SANBR: variants seen among roughly 807,000 people sequenced by gnomAD.
SANBR encodes the protein SANT and BTB domain regulator of class switch recombination.
In SANBR, 77 loss-of-function variants were observed where a neutral mutation model predicts 101.8. The ratio of observed to expected loss-of-function variants is 0.76; its 90% confidence interval spans 0.63 to 0.91. SANBR has a LOEUF of 0.91. Among genes scored for constraint, SANBR ranks in the 40% least tolerant of loss-of-function variants. The pLI is 0.00. For synonymous variants in SANBR, 279 were observed against 274.7 expected, an observed-to-expected ratio of 1.02 and a Z score of -0.15; for missense variants, 875 against 853.0, an observed-to-expected ratio of 1.03 and a Z score of -0.32.
In SANBR at chr2:61,092,593, A is replaced by G; in HGVS notation, c.1212+6A>G. 3 of 1,375,474 alleles carry G rather than the reference A, an allele frequency of 2.2e-6. No homozygotes were observed. Among genetic ancestry groups the G allele is most frequent in the Non-Finnish European group, 2.9e-6 (3 of 1,018,496 alleles). 85.2% of individuals were successfully genotyped at this position (1,375,474 alleles called of 1,614,324 possible). On this transcript the variant is annotated splice_donor_region_variant and intron_variant, in intron 11 of 21. Coordinates refer to ENST00000402291, the MANE Select transcript of SANBR (RefSeq NM_001129993.3). ...CTTGTTCAAGATGTTATCAGGTAAG[A>G]TTTTTTTTTTTAAATATCCTGCTCT...
intron 5 of SANBR, among the ~76,000 whole-genome samples, chr2:61,076,492 A>G (rs931877295): frequency 1.3e-5 from 2 of 148,626 alleles, no homozygotes; most frequent in African/African-American, 4.9e-5. Flanking sequence ...GCTGGGCGCC[A>G]TGGTGGGCGC....
chr2:61,088,498 T>G (rs745774582), intron 10 of SANBR, 30 bp downstream of exon 10: 12 of 1,315,368 alleles, frequency 9.1e-6, no homozygotes, highest in Admixed American at 4.4e-5. Flanking sequence ...CATACATGTA[T>G]TTTTGTATAT....
At chr2:61,080,715 A>AT (rs1373452160) in intron 6 of SANBR, among the ~76,000 whole-genome samples, 18 of 151,962 alleles carry the variant, frequency 1.2e-4, no homozygotes, top group Non-Finnish European at 2.1e-4. Context: ...GTGAGACTCC[A>AT]TCTCAAAAAA....
At chr2:61,080,445 G>A (rs997668902) in intron 6 of SANBR, among the ~76,000 whole-genome samples, 1 of 151,588 alleles carries the variant, frequency 6.6e-6, no homozygotes, top group Non-Finnish European at 1.5e-5. Context: ...AGCCTTCACC[G>A]GGCGTGGTGG....
rs1682559594 is a variant in SANBR at position 61,088,363 on chromosome 2, G to A, written c.983G>A (p.Cys328Tyr). Residue 328 changes from cysteine to tyrosine, a missense_variant, in exon 10 of 22, where the codon TGT becomes TAT. By Grantham distance (194) the Cys-to-Tyr change is radical (BLOSUM62 -2). Transcript: ENST00000402291. The stretch of plus-strand genomic sequence containing the variant: ...TGTATCTTCTTTGTTTATAGATGCT[G>A]TTTGTGTAAGAAACTTTTAACAAAA... ...RSNAATLYRC[C>Y]LCKKLLTKET... 2 of 1,586,210 alleles carry A rather than the reference G, an allele frequency of 1.3e-6. No homozygotes were observed. The highest frequency in any genetic ancestry group is 1.7e-6 in the Non-Finnish European group (2 of 1,167,326).
At chr2:61,072,935 TC>T (rs1225781588) in intron 4 of SANBR, among the ~76,000 whole-genome samples, 1 of 143,726 alleles carries the variant, frequency 7.0e-6, no homozygotes, top group African/African-American at 2.5e-5. Context: ...CAAGCAATCC[TC>T]CTGCCGCAGC....
chr2:61,087,752 C>T (rs1573612776), intron 8 of SANBR, among the ~76,000 whole-genome samples: 1 of 151,574 alleles, frequency 6.6e-6, no homozygotes, highest in Admixed American at 6.6e-5. Flanking sequence ...TCGGGATGCT[C>T]AGGCAGGATA....
Position 61,122,548 on chromosome 2 carries a change from C to G in SANBR, c.*386C>G. 1 of 997,220 alleles carries G rather than the reference C, an allele frequency of 1.0e-6. No homozygotes were observed. The highest frequency in any genetic ancestry group is 1.7e-5 in the African/African-American group (1 of 57,706). The allele number at this position is 997,220 out of a possible 1,614,324, so 61.8% of individuals were successfully genotyped here. On this transcript the variant is annotated 3_prime_UTR_variant, in exon 22 of 22. Transcript: ENST00000402291. Reference sequence around the variant, plus strand: ...ACTGGTAGTGTTACCATGCATGGCACTGATTGTAGTATGTCTTTGGAGCTG... The same window carrying G: ...ACTGGTAGTGTTACCATGCATGGCAGTGATTGTAGTATGTCTTTGGAGCTG...
At chr2:61,095,161 G>A (rs1413689426) in intron 11 of SANBR, among the ~76,000 whole-genome samples, 3 of 152,074 alleles carry the variant, frequency 2.0e-5, no homozygotes, top group Non-Finnish European at 2.9e-5. Flanking sequence ...CCTCACAATC[G>A]GAGTGTGACA....
At chr2:61,085,484 A>G (rs1008067141) in intron 8 of SANBR, among the ~76,000 whole-genome samples, 3 of 150,878 alleles carry the variant, frequency 2.0e-5, no homozygotes, top group South Asian at 2.1e-4. Context: ...TTCTTTGTCT[A>G]TCCTTGTATC....
chr2:61,090,692 T>C (rs1337529624), intron 10 of SANBR: 1 of 152,894 alleles, frequency 6.5e-6, no homozygotes, highest in African/African-American at 2.4e-5. Context: ...ACCTGGCAAT[T>C]GTGTATGTGT....
Position 61,071,775 on chromosome 2 carries a change from A to G in SANBR, c.320A>G (p.Asp107Gly). ...GEFQETPVGH[D>G]AVSKTGRHSI... Reference sequence around the variant, plus strand: ...TTTCAGGAGACTCCAGTTGGACATGATGCAGTTTCCAAAACTGGTAAGGTT... The same window carrying G: ...TTTCAGGAGACTCCAGTTGGACATGGTGCAGTTTCCAAAACTGGTAAGGTT... The change falls in exon 4 of 22, where the codon GAT (aspartate) becomes GGT (glycine). Residue 107 changes from aspartate (D) to glycine (G), a missense_variant. Transcript: ENST00000402291. The G allele has an allele frequency of 6.3e-7, 1 of 1,598,326 alleles. No individual in the cohort carries two copies. The highest frequency in any genetic ancestry group is 8.5e-7 in the Non-Finnish European group (1 of 1,175,260).
intron 7 of SANBR, among the ~76,000 whole-genome samples, chr2:61,082,688 G>A (rs574017976): frequency 4.6e-5 from 7 of 152,168 alleles, no homozygotes; most frequent in South Asian, 2.1e-4. Flanking sequence ...GCGTGGTGGC[G>A]GGCACCTGTA....
chr2:61,088,493 A>G (rs746508727), intron 10 of SANBR, 25 bp downstream of exon 10: 7 of 1,403,196 alleles, frequency 5.0e-6, no homozygotes, highest in East Asian at 2.4e-5. Context: ...AAATACATAC[A>G]TGTATTTTTG....
In SANBR at chr2:61,088,233, C is replaced by T. The variant is rs1682548882; in HGVS notation, c.965C>T (p.Ala322Val). The part of the protein sequence containing the change: ...YLNPDSRSNA[A>V]TLYRCCLCKK... ...AATCCAGATTCTCGGAGTAATGCAG[C>T]AACATTGTATAGGTATGCTAACATG... The change falls in exon 9 of 22, where the codon GCA becomes GTA. Residue 322 changes from alanine to valine, a missense_variant. Physicochemically the swap from Ala to Val is moderately conservative, Grantham distance 64. Transcript: ENST00000402291. 2.5e-6 allele frequency: 4 copies of T among 1,607,684 alleles called. No individual in the cohort carries two copies. In the South Asian group the frequency reaches 3.3e-5, roughly 13 times the overall value.
At chr2:61,108,103 T>C (rs1683659974) in intron 14 of SANBR, among the ~76,000 whole-genome samples, 1 of 152,196 alleles carries the variant, frequency 6.6e-6, no homozygotes, top group Non-Finnish European at 1.5e-5. Flanking sequence ...ACTGGGAAAG[T>C]GTCTTTCTTT....
chr2:61,131,836 T>C (rs935687467), intron 20 of SANBR, among the ~76,000 whole-genome samples: 17 of 152,226 alleles, frequency 1.1e-4, no homozygotes, highest in Admixed American at 4.6e-4. Context: ...GGTATAAGGA[T>C]AGACATACAG....
Position 61,071,780 on chromosome 2 carries a change from G to A in SANBR, c.325G>A (p.Val109Ile). 6.3e-7 allele frequency: 1 copy of A among 1,596,506 alleles called. No individual in the cohort carries two copies. The highest frequency in any genetic ancestry group is 8.5e-7 in the Non-Finnish European group (1 of 1,173,972). The change falls in exon 4 of 22, where the codon GTT (valine) becomes ATT (isoleucine). Residue 109 changes from valine to isoleucine, a missense_variant. Coordinates refer to ENST00000402291, the MANE Select transcript of SANBR (RefSeq NM_001129993.3). ...GGAGACTCCAGTTGGACATGATGCA[G>A]TTTCCAAAACTGGTAAGGTTTTAAA... ...FQETPVGHDA[V>I]SKTGRHSIAS...
At chr2:61,094,876 C>G (rs1292339008) in intron 11 of SANBR, among the ~76,000 whole-genome samples, 1 of 152,092 alleles carries the variant, frequency 6.6e-6, no homozygotes, top group Non-Finnish European at 1.5e-5. Context: ...AACTCCTGAC[C>G]TCAGGTGATC....
Sources: allele counts gnomAD v4.1 joint callset (sites outside exome capture counted in the v4.1 genomes callset), GRCh38; gene constraint gnomAD v4.1.1; transcripts MANE v1.5; gene names NCBI Gene and HGNC (gene_info 2026-07-23, HGNC 2026-07-21).